Variants in CNTN6 observed in about 807,000 individuals in gnomAD.
CNTN6 encodes contactin-6.
CNTN6 carries 137 observed loss-of-function variants against 122.8 expected under a neutral mutation model. The observed-to-expected ratio is 1.12, with a 90% confidence interval of 0.97 to 1.29. CNTN6 has a LOEUF of 1.29. Among genes scored for constraint, CNTN6 ranks in the 50% most tolerant of loss-of-function variants. CNTN6 has a pLI of 0.00. For missense variants in CNTN6, 1,634 were observed against 1,223.4 expected (o/e 1.34, Z -5.01); for synonymous variants, 570 against 426.0 (o/e 1.34, Z -4.16).
chr3:1,388,492 A>G lies in CNTN6; in HGVS notation c.2704+2695A>G, dbSNP rs1393988905. The stretch of plus-strand genomic sequence containing the variant: ...ACAGAACAGAAAAACTGGAAACTCT[A>G]AAACGCAGAGCGCCTCTCCTCCTCC... On this transcript the variant is annotated intron_variant, in intron 20 of 22. Coordinates refer to ENST00000446702, the MANE Select transcript of CNTN6 (RefSeq NM_001289080.2). Among the ~76,000 whole-genome samples the G allele has an allele frequency of 2.0e-5, 3 of 151,748 alleles. No individual in the cohort carries two copies. The East Asian group carries it at 5.8e-4, about 29-fold the overall frequency.
intron 4 of CNTN6, among the ~76,000 whole-genome samples, chr3:1,244,440 GGT>G (rs2094531137): frequency 5.2e-5 from 7 of 135,422 alleles, no homozygotes; most frequent in African/African-American, 1.4e-4. Context: ...GGGGTTGAGG[GGT>G]ACTTGGCCCT....
At chr3:1,327,756 G>T (rs1701742309) in intron 10 of CNTN6, among the ~76,000 whole-genome samples, 170 bp downstream of exon 10, 1 of 151,724 alleles carries the variant, frequency 6.6e-6, no homozygotes, top group Non-Finnish European at 1.5e-5. Context: ...TTATTATTCT[G>T]CTTGGGCAAT....
chr3:1,260,342 A>T (rs73109291), intron 4 of CNTN6, among the ~76,000 whole-genome samples: 3,753 of 152,150 alleles, frequency 0.025, 155 homozygotes, highest in African/African-American at 0.085. Context: ...AGTACTTACT[A>T]TGCAACATAA....
chr3:1,325,864 TG>T lies in CNTN6; in HGVS notation c.997del (p.Asp333ThrfsTer20). The T allele has an allele frequency of 6.2e-7, 1 of 1,612,018 alleles. No homozygotes were observed. Among genetic ancestry groups the T allele is most frequent in the Non-Finnish European group, 8.5e-7 (1 of 1,178,734 alleles). On this transcript the variant is annotated frameshift_variant, in exon 9 of 23. Transcript: ENST00000446702. LOFTEE classifies it high-confidence loss of function. ...TCCAAAATACACACCTCTCTATCTATGACAACTTGCTCTGGGAATGTAAAGC... is the reference window on the plus strand; with the variant it reads ...TCCAAAATACACACCTCTCTATCTATACAACTTGCTCTGGGAATGTAAAGC... ...KIQNTHLSIY[D>X]NLLWECKASG...
At chr3:1,338,221 T>A (rs1456783693) in intron 11 of CNTN6, among the ~76,000 whole-genome samples, 4 of 152,132 alleles carry the variant, frequency 2.6e-5, no homozygotes, top group Non-Finnish European at 4.4e-5. Flanking sequence ...TTAAACTGTG[T>A]CTTACAACAG....
intron 4 of CNTN6, among the ~76,000 whole-genome samples, chr3:1,261,965 G>A (rs2125710011): frequency 6.6e-6 from 1 of 152,162 alleles, no homozygotes; most frequent in South Asian, 2.1e-4. Flanking sequence ...GTTGTTCTTG[G>A]TAAATTACTG....
At chr3:1,314,880 T>C (rs998809655) in intron 7 of CNTN6, among the ~76,000 whole-genome samples, 1 of 152,076 alleles carries the variant, frequency 6.6e-6, no homozygotes, top group African/African-American at 2.4e-5. Context: ...GAAAAGGCTT[T>C]TGCAATGCTC....
chr3:1,178,911 T>A (rs2093503252), intron 2 of CNTN6, among the ~76,000 whole-genome samples: 1 of 152,168 alleles, frequency 6.6e-6, no homozygotes, highest in Non-Finnish European at 1.5e-5. Flanking sequence ...TGCAACTCTC[T>A]GTTAGTCCAT....
intron 20 of CNTN6, among the ~76,000 whole-genome samples, chr3:1,390,856 G>A (rs1384161887): frequency 6.6e-6 from 1 of 150,602 alleles, no homozygotes; most frequent in Admixed American, 6.6e-5. Flanking sequence ...ACTAAACCAG[G>A]AAGAAGTTGA....
chr3:1,170,384 G>C (rs2093339150), intron 2 of CNTN6, among the ~76,000 whole-genome samples: 1 of 152,040 alleles, frequency 6.6e-6, no homozygotes, highest in Non-Finnish European at 1.5e-5. Flanking sequence ...CAAAATATGG[G>C]TAACGTAAGC....
intron 7 of CNTN6, among the ~76,000 whole-genome samples, chr3:1,315,993 A>G (rs1700051443): frequency 6.6e-6 from 1 of 152,040 alleles, no homozygotes; most frequent in South Asian, 2.1e-4. Flanking sequence ...GTAAAAGACA[A>G]ATACATGTGA....
chr3:1,398,765 A>T (rs1695292918), intron 20 of CNTN6, among the ~76,000 whole-genome samples: 1 of 152,158 alleles, frequency 6.6e-6, no homozygotes, highest in African/African-American at 2.4e-5. Flanking sequence ...TACAAATTCA[A>T]GTCTCTCTGA....
intron 17 of CNTN6, among the ~76,000 whole-genome samples, chr3:1,380,893 G>T (rs775411670): frequency 6.6e-6 from 1 of 152,296 alleles, no homozygotes; most frequent in African/African-American, 2.4e-5. Context: ...ACTCCCAGGA[G>T]AATTTCACAA....
At chr3:1,386,832 CCAT>C (rs1693044887) in intron 20 of CNTN6, among the ~76,000 whole-genome samples, 1 of 150,280 alleles carries the variant, frequency 6.7e-6, no homozygotes. Flanking sequence ...AATTACACCA[CCAT>C]ATTTGGAAAG....
At chr3:1,159,833 C>T (rs965036469) in intron 2 of CNTN6, among the ~76,000 whole-genome samples, 1 of 151,292 alleles carries the variant, frequency 6.6e-6, no homozygotes, top group Non-Finnish European at 1.5e-5. Flanking sequence ...TCTTTTTCCC[C>T]CCCTCAAGAC....
intron 1 of CNTN6, among the ~76,000 whole-genome samples, chr3:1,115,752 AAAAT>A (rs139235012): frequency 2.6e-5 from 4 of 151,782 alleles, no homozygotes; most frequent in East Asian, 1.9e-4. Context: ...ACTCTGTCTC[AAAAT>A]AAATAAATAA....
At chr3:1,161,769 T>TAC (rs558137459) in intron 2 of CNTN6, among the ~76,000 whole-genome samples, 22,659 of 142,928 alleles carry the variant, frequency 0.16, 1,719 homozygotes, top group African/African-American at 0.2. Context: ...TATATATGTA[T>TAC]ACACACACAC....
chr3:1,342,032 C>T (rs1477865865), intron 11 of CNTN6, among the ~76,000 whole-genome samples: 1 of 152,094 alleles, frequency 6.6e-6, no homozygotes, highest in African/African-American at 2.4e-5. Context: ...GGAAGTATAT[C>T]CTTAGCTATT....
chr3:1,258,339 C>T (rs1418687050), intron 4 of CNTN6, among the ~76,000 whole-genome samples: 3 of 152,096 alleles, frequency 2.0e-5, no homozygotes, highest in African/African-American at 7.2e-5. Context: ...GGTGCTGCTG[C>T]TACTTCTTAG....
Sources: gnomAD v4.1 joint callset for allele counts (sites outside exome capture counted in the v4.1 genomes callset) on GRCh38, gnomAD v4.1.1 for gene constraint, MANE v1.5 for transcripts, NCBI Gene and HGNC (gene_info 2026-07-23, HGNC 2026-07-21) for gene names.